The following ANAPC7 variants were observed in gnomAD, a reference collection of about 807,000 sequenced individuals.
The protein encoded by ANAPC7 is anaphase promoting complex subunit 7.
Under a neutral mutation model 63.3 loss-of-function variants are expected in ANAPC7, and 25 were observed. That is an observed-to-expected ratio of 0.39 (90% CI 0.29 to 0.55). The LOEUF (loss-of-function observed/expected upper bound fraction) is 0.55, where lower values mean the gene tolerates loss of function less well. Among genes scored for constraint, ANAPC7 ranks in the 20% least tolerant of loss-of-function variants. The probability of loss-of-function intolerance (pLI) is 0.57; values close to 1 mark genes in which losing one functional copy is unlikely to be tolerated. For synonymous variants in ANAPC7, 241 were observed against 251.7 expected (o/e 0.96, Z 0.40); for missense variants, 516 against 691.7 (o/e 0.75, Z 2.85).
intron 9 of ANAPC7, 133 bp downstream of exon 9, chr12:110,377,260 A>G (rs941194531): frequency 8.4e-5 from 63 of 749,984 alleles, no homozygotes; most frequent in Non-Finnish European, 1.2e-4. Context: ...AACCAATCCA[A>G]GCAGGCTCAG....
intron 4 of ANAPC7, among the ~76,000 whole-genome samples, chr12:110,388,156 C>G (rs912214999): frequency 6.6e-6 from 1 of 152,136 alleles, no homozygotes; most frequent in Non-Finnish European, 1.5e-5. Flanking sequence ...CATGCCCCAG[C>G]CTTCCGAGAA....
chr12:110,384,162 A>G (rs1317704979), intron 6 of ANAPC7, among the ~76,000 whole-genome samples: 12 of 152,106 alleles, frequency 7.9e-5, no homozygotes, highest in Non-Finnish European at 4.4e-5. Context: ...AGATTGCACC[A>G]CTGCACTCCA....
Position 110,387,757 on chromosome 12 carries a change from C to T in ANAPC7, c.656G>A (p.Arg219Lys), listed in dbSNP as rs367762819. Residue 219 changes from arginine to lysine, a missense_variant, in exon 5 of 11, where the codon AGA (arginine) becomes AAA (lysine). This residue lies in a region of ANAPC7 where 199 missense variants were observed against 249.3 expected (regional missense o/e 0.80). Coordinates refer to ENST00000455511, the MANE Select transcript of ANAPC7 (RefSeq NM_016238.3). ...YAFVHTGDNS[R>K]AISTICSLEK... ...CTCTCACCAGATGGTACTGATTGCT[C>T]TTGAGTTGTCACCAGTGTGCACAAA... The T allele has an allele frequency of 6.2e-7, 1 of 1,613,796 alleles. No homozygotes were observed. Among genetic ancestry groups the T allele is most frequent in the Non-Finnish European group, 8.5e-7 (1 of 1,179,736 alleles).
intron 8 of ANAPC7, among the ~76,000 whole-genome samples, chr12:110,381,325 TG>T (rs1881822792): frequency 1.3e-5 from 2 of 151,762 alleles, no homozygotes; most frequent in African/African-American, 4.8e-5. Context: ...CCCCGGATGA[TG>T]TTTTTTTGTT....
intron 10 of ANAPC7, among the ~76,000 whole-genome samples, chr12:110,374,731 T>C (rs776792536): frequency 6.6e-6 from 1 of 152,152 alleles, no homozygotes; most frequent in Non-Finnish European, 1.5e-5. Flanking sequence ...AAAATAGGAA[T>C]TTCTCTGAGT....
intron 6 of ANAPC7, among the ~76,000 whole-genome samples, chr12:110,384,308 G>T (rs980858242): frequency 3.3e-5 from 5 of 152,174 alleles, no homozygotes; most frequent in Middle Eastern, 3.4e-3. Context: ...AAGGCAGGAG[G>T]ATTGCTTGAG....
At chr12:110,400,324 G>A (rs887920824) in intron 1 of ANAPC7, among the ~76,000 whole-genome samples, 1 of 152,172 alleles carries the variant, frequency 6.6e-6, no homozygotes, top group Non-Finnish European at 1.5e-5. Context: ...TGCCTCTGGA[G>A]AAAGGAAATG....
At chr12:110,376,754 T>C (rs1346417795) in intron 9 of ANAPC7, among the ~76,000 whole-genome samples, 1 of 146,708 alleles carries the variant, frequency 6.8e-6, no homozygotes, top group Non-Finnish European at 1.5e-5. Context: ...ATCATCCAGA[T>C]AGCTCCACTC....
At chr12:110,382,637 T>C (rs1592902895) in intron 7 of ANAPC7, among the ~76,000 whole-genome samples, 1 of 151,590 alleles carries the variant, frequency 6.6e-6, no homozygotes, top group African/African-American at 2.4e-5. Flanking sequence ...TGGCACGATC[T>C]TGGCTCACTG....
Position 110,403,695 on chromosome 12 carries a change from G to C in ANAPC7, c.-68C>G. The C allele has an allele frequency of 1.3e-6, 2 of 1,552,686 alleles. No homozygotes were observed. Among genetic ancestry groups the C allele is most frequent in the Non-Finnish European group, 1.7e-6 (2 of 1,147,652 alleles). On this transcript the variant is annotated 5_prime_UTR_variant, in exon 1 of 11. Transcript: ENST00000455511. The stretch of plus-strand genomic sequence containing the variant: ...GAAAAGCCGGTAGAGGATCCTTAGG[G>C]AAGACTCCAAAATGGCGGCGTCGCC...
At chr12:110,386,084 A>AAAAGAAAG (rs1882425742) in intron 6 of ANAPC7, among the ~76,000 whole-genome samples, 1 of 152,200 alleles carries the variant, frequency 6.6e-6, no homozygotes, top group African/African-American at 2.4e-5. Context: ...CTCAAAAGAA[A>AAAAGAAAG]AAAAGCCAAA....
At chr12:110,389,195 C>G (rs996809728) in intron 3 of ANAPC7, among the ~76,000 whole-genome samples, 1 of 151,890 alleles carries the variant, frequency 6.6e-6, no homozygotes, top group Non-Finnish European at 1.5e-5. Flanking sequence ...CCAGTAATAT[C>G]TGAACAAAAG....
At position 110,392,983 on chromosome 12, in the gene ANAPC7, C is replaced by T. The variant is rs1054770963; in HGVS notation, c.408+2118G>A. ...GCTAATTTTATATTTTTAGTAGAGACGGGGTTTCTCCATGTTGGTCAAGCT... is the reference window on the plus strand; with the variant it reads ...GCTAATTTTATATTTTTAGTAGAGATGGGGTTTCTCCATGTTGGTCAAGCT... On this transcript the variant is annotated intron_variant, in intron 3 of 10. Transcript: ENST00000455511. Among the ~76,000 whole-genome samples, 7 of 152,060 alleles carry T rather than the reference C, an allele frequency of 4.6e-5. No individual in the cohort carries two copies. In the East Asian group the frequency reaches 1.2e-3, roughly 25 times the overall value.
At chr12:110,393,703 A>G (rs1011596897) in intron 3 of ANAPC7, among the ~76,000 whole-genome samples, 5 of 152,090 alleles carry the variant, frequency 3.3e-5, no homozygotes, top group African/African-American at 1.2e-4. Flanking sequence ...CCCAGTCTCT[A>G]CTAAAATTAC....
Position 110,382,925 on chromosome 12 carries a change from C to T in ANAPC7, c.853G>A (p.Gly285Arg), listed in dbSNP as rs533924949. 2.0e-5 allele frequency: 33 copies of T among 1,613,898 alleles called. No homozygotes were observed. Among genetic ancestry groups the T allele is most frequent in the Admixed American group, 6.7e-5 (4 of 59,980 alleles). Residue 285 changes from glycine (G) to arginine (R), a missense_variant, in exon 7 of 11, where the codon GGG (glycine) becomes AGG (arginine). By Grantham distance (125) the Gly-to-Arg change is moderately radical. Around this residue, in one of 4 missense-constraint regions of ANAPC7, gnomAD observed 199 missense variants for 249.3 expected, o/e 0.80. Coordinates refer to ENST00000455511, the MANE Select transcript of ANAPC7 (RefSeq NM_016238.3). ...AGGTTCTCAACATCCTCTAGCCGCC[C>T]TTCTCGTGCCAGTAGGTAGCCATAT... ...DVYGYLLARE[G>R]RLEDVENLGC...
chr12:110,381,864 T>C lies in ANAPC7; in HGVS notation c.1020A>G (p.Gln340=), dbSNP rs767331395. Residue 340 remains glutamine, a synonymous_variant, in exon 8 of 11, where the codon CAA becomes CAG. Transcript: ENST00000455511. ...KAIQLNSNSV[Q]ALLLKGAALR... Reference sequence around the variant, plus strand: ...GTGCTGCTCCCTTAAGTAGCAGAGCTTGAACACTATTACTGTTCAGCTGAA... The same window carrying C: ...GTGCTGCTCCCTTAAGTAGCAGAGCCTGAACACTATTACTGTTCAGCTGAA... The C allele has an allele frequency of 6.8e-6, 11 of 1,613,342 alleles. No individual in the cohort carries two copies. The highest frequency in any genetic ancestry group is 3.3e-4 in the Middle Eastern group (2 of 6,062).
At chr12:110,399,268 C>T (rs1238923138) in intron 1 of ANAPC7, among the ~76,000 whole-genome samples, 1 of 151,948 alleles carries the variant, frequency 6.6e-6, no homozygotes, top group Non-Finnish European at 1.5e-5. Flanking sequence ...GATCCACCCG[C>T]CTCAGCCTCC....
intron 6 of ANAPC7, among the ~76,000 whole-genome samples, chr12:110,385,577 A>C (rs1282586164): frequency 6.6e-6 from 1 of 152,230 alleles, no homozygotes; most frequent in Admixed American, 6.5e-5. Context: ...AAGAGGAATA[A>C]GCACTTGAGG....
chr12:110,384,449 A>C (rs2137942990), intron 6 of ANAPC7, among the ~76,000 whole-genome samples: 1 of 151,970 alleles, frequency 6.6e-6, no homozygotes, highest in East Asian at 2.0e-4. Context: ...TCATGCCTAT[A>C]ATCCCAGCAC....
Sources: gnomAD v4.1 joint callset for allele counts (sites outside exome capture counted in the v4.1 genomes callset) on GRCh38, gnomAD v4.1.1 for gene constraint, gnomAD v4.1.1 regional missense constraint, MANE v1.5 for transcripts, NCBI Gene and HGNC (gene_info 2026-07-23, HGNC 2026-07-21) for gene names.